The following TMEM117 variants were observed in gnomAD, a reference collection of about 807,000 sequenced individuals.
The protein encoded by TMEM117 is transmembrane protein 117.
In TMEM117, 27 loss-of-function variants were observed where a neutral mutation model predicts 52.4. That is an observed-to-expected ratio of 0.51 (90% CI 0.38 to 0.71). The LOEUF is 0.71. TMEM117 is among the 30% of genes least tolerant of loss of function. The probability of loss-of-function intolerance (pLI) is 0.00; values close to 1 mark genes in which losing one functional copy is unlikely to be tolerated. For synonymous variants in TMEM117, 215 were observed against 206.3 expected, an observed-to-expected ratio of 1.04 and a Z score of -0.36; for missense variants, 556 against 630.5, an observed-to-expected ratio of 0.88 and a Z score of 1.26.
chr12:44,056,227 C>T (rs2137940216), intron 3 of TMEM117, among the ~76,000 whole-genome samples: 1 of 152,148 alleles, frequency 6.6e-6, no homozygotes, highest in African/African-American at 2.4e-5. Context: ...CATAGGCACA[C>T]ACCACTGCAC....
At chr12:43,990,371 C>G (rs995783762) in intron 3 of TMEM117, among the ~76,000 whole-genome samples, 1 of 152,080 alleles carries the variant, frequency 6.6e-6, no homozygotes, top group Non-Finnish European at 1.5e-5. Context: ...TCCAGATTTC[C>G]TTTTAAGATA....
intron 6 of TMEM117, among the ~76,000 whole-genome samples, chr12:44,322,649 G>T (rs1951146848): frequency 6.6e-6 from 1 of 152,076 alleles, no homozygotes; most frequent in South Asian, 2.1e-4. Context: ...CTATAAAAAG[G>T]AACTTGCAAA....
intron 3 of TMEM117, among the ~76,000 whole-genome samples, chr12:43,979,763 G>A (rs1013101404): frequency 6.6e-6 from 1 of 152,058 alleles, no homozygotes; most frequent in Non-Finnish European, 1.5e-5. Context: ...TATTCTATAT[G>A]GCTGGCTTTA....
intron 3 of TMEM117, among the ~76,000 whole-genome samples, chr12:44,043,875 G>A (rs1228460970): frequency 1.3e-5 from 2 of 152,214 alleles, no homozygotes; most frequent in Admixed American, 6.5e-5. Context: ...CATAGAGTTG[G>A]ATCGGGCTGA....
chr12:44,179,119 G>A (rs1263439947), intron 4 of TMEM117, among the ~76,000 whole-genome samples: 2 of 152,036 alleles, frequency 1.3e-5, no homozygotes, highest in African/African-American at 2.4e-5. Flanking sequence ...ACTTGAACCC[G>A]GGAGGTGGAG....
intron 4 of TMEM117, among the ~76,000 whole-genome samples, chr12:44,204,535 A>G (rs915770357): frequency 5.3e-5 from 8 of 151,746 alleles, no homozygotes; most frequent in Admixed American, 4.6e-4. Flanking sequence ...ACCATTTTTC[A>G]CAGAATTACC....
chr12:44,039,579 C>T (rs2407791), intron 3 of TMEM117, among the ~76,000 whole-genome samples: 14,469 of 151,804 alleles, frequency 0.095, 1,083 homozygotes, highest in African/African-American at 0.2. Context: ...GATAAAGTTA[C>T]AGATTTTATG....
chr12:43,888,310 C>T (rs1248451660), intron 2 of TMEM117, among the ~76,000 whole-genome samples: 1 of 152,148 alleles, frequency 6.6e-6, no homozygotes, highest in Non-Finnish European at 1.5e-5. Flanking sequence ...GTATGTGATT[C>T]TATGTAGTAT....
At chr12:44,268,912 C>A (rs1234089678) in intron 5 of TMEM117, among the ~76,000 whole-genome samples, 4 of 152,084 alleles carry the variant, frequency 2.6e-5, no homozygotes, top group Non-Finnish European at 1.5e-5. Context: ...TTAAGATAGC[C>A]ATAATTTGTG....
intron 5 of TMEM117, among the ~76,000 whole-genome samples, chr12:44,212,751 C>G (rs527416725): frequency 6.6e-6 from 1 of 151,170 alleles, no homozygotes; most frequent in South Asian, 2.1e-4. Context: ...CCTTTTGAAA[C>G]AAAAGAGAAA....
At chr12:44,350,542 C>T (rs771517786) in intron 6 of TMEM117, among the ~76,000 whole-genome samples, 1 of 151,780 alleles carries the variant, frequency 6.6e-6, no homozygotes, top group Non-Finnish European at 1.5e-5. Flanking sequence ...CTCTGGCAAC[C>T]GTTCTTCTAC....
chr12:44,211,153 AT>A, intron 4 of TMEM117, 136 bp from the exon 5 acceptor site: 1 of 651,818 alleles, frequency 1.5e-6, no homozygotes. Context: ...GTATATCCTA[AT>A]TTTTGTTTCT....
At chr12:44,177,441 A>C (rs1282831810) in intron 4 of TMEM117, among the ~76,000 whole-genome samples, 1 of 152,188 alleles carries the variant, frequency 6.6e-6, no homozygotes, top group East Asian at 1.9e-4. Context: ...CACAGACTAT[A>C]ATTGGGATAT....
At chr12:44,252,643 A>T (rs959547720) in intron 5 of TMEM117, among the ~76,000 whole-genome samples, 4 of 152,194 alleles carry the variant, frequency 2.6e-5, no homozygotes, top group Non-Finnish European at 4.4e-5. Flanking sequence ...GTTAAGTCTT[A>T]TAGAATAGTT....
intron 4 of TMEM117, among the ~76,000 whole-genome samples, chr12:44,204,670 T>G (rs541412262): frequency 3.7e-4 from 57 of 152,178 alleles, no homozygotes; most frequent in Admixed American, 2.1e-3. Flanking sequence ...ACAAATCTAC[T>G]GTAACCAAAA....
intron 4 of TMEM117, among the ~76,000 whole-genome samples, chr12:44,177,723 A>C (rs980326239): frequency 6.6e-6 from 1 of 152,132 alleles, no homozygotes; most frequent in African/African-American, 2.4e-5. Context: ...CATCCATTTA[A>C]TTGTAGTTTC....
At chr12:43,858,417 CT>C (rs951774907) in intron 2 of TMEM117, among the ~76,000 whole-genome samples, 1 of 152,168 alleles carries the variant, frequency 6.6e-6, no homozygotes, top group African/African-American at 2.4e-5. Context: ...GCACCACCTC[CT>C]GCCTGACCAG....
At chr12:43,933,604 G>T (rs4417371) in intron 2 of TMEM117, among the ~76,000 whole-genome samples, 2 of 151,310 alleles carry the variant, frequency 1.3e-5, no homozygotes, top group African/African-American at 4.9e-5. Context: ...TCACTCTGTC[G>T]CCAGGCTGGG....
chr12:44,252,798 GA>G (rs934592256), intron 5 of TMEM117, among the ~76,000 whole-genome samples: 2 of 152,276 alleles, frequency 1.3e-5, no homozygotes, highest in African/African-American at 4.8e-5. Flanking sequence ...TATCTAGCGG[GA>G]TATTTTTGAC....
Sources: allele counts gnomAD v4.1 joint callset (sites outside exome capture counted in the v4.1 genomes callset), GRCh38; gene constraint gnomAD v4.1.1; transcripts MANE v1.5; gene names NCBI Gene and HGNC (gene_info 2026-07-23, HGNC 2026-07-21).